Variants in CAST observed in about 807,000 individuals in gnomAD.
The protein encoded by CAST is calpastatin, also known as MIR583 host.
CAST carries 76 observed loss-of-function variants against 119.6 expected under a neutral mutation model. The ratio of observed to expected loss-of-function variants is 0.64; its 90% confidence interval spans 0.53 to 0.77. The LOEUF (loss-of-function observed/expected upper bound fraction) is 0.77, where lower values mean the gene tolerates loss of function less well. Ranked by LOEUF, CAST falls within the 30% of genes least tolerant of loss-of-function variation. The pLI, the probability that CAST is intolerant of heterozygous loss-of-function variation, is 0.00. For missense variants in CAST, 953 were observed against 946.5 expected, an observed-to-expected ratio of 1.01 and a Z score of -0.09; for synonymous variants, 319 against 331.6, an observed-to-expected ratio of 0.96 and a Z score of 0.41.
At chr5:96,478,005 G>A in the CAST span, among the ~76,000 whole-genome samples, 63 of 152,224 alleles carry the variant, frequency 4.1e-4, 1 homozygote, top group African/African-American at 1.4e-3. Context: ...GATTCACATG[G>A]CTAATTTAAG....
chr5:96,506,349 A>G, the CAST span, among the ~76,000 whole-genome samples: 1 of 152,272 alleles, frequency 6.6e-6, no homozygotes, highest in South Asian at 2.1e-4. Flanking sequence ...GGCACCAAGT[A>G]TCAGAGCAGC....
intron 1 of CAST, among the ~76,000 whole-genome samples, chr5:96,561,796 G>GTTTTTTTTTTGTTTTTTTTTTT (rs1554067789): frequency 2.1e-5 from 2 of 97,422 alleles, no homozygotes; most frequent in African/African-American, 7.7e-5. Context: ...GTTTTTTTTT[G>GTTTTTTTTTTGTTTTTTTTTTT]TTTTTTTTTT....
At chr5:96,169,703 G>A in the CAST span, among the ~76,000 whole-genome samples, 1 of 152,130 alleles carries the variant, frequency 6.6e-6, no homozygotes, top group Admixed American at 6.5e-5. Flanking sequence ...GGTCACCAAG[G>A]AGGGAATAGA....
the CAST span, chr5:96,408,288 C>G: frequency 6.2e-7 from 1 of 1,613,936 alleles, no homozygotes; most frequent in South Asian, 1.1e-5. Context: ...TGCCTGTGTG[C>G]GTCTCCGTGC....
the CAST span, among the ~76,000 whole-genome samples, chr5:95,990,322 T>C: frequency 1.2e-4 from 18 of 152,026 alleles, no homozygotes; most frequent in African/African-American, 4.3e-4. Context: ...TCCTTATCAA[T>C]AGGAGATATA....
chr5:96,536,584 A>C (rs1745819327), intron 1 of CAST, among the ~76,000 whole-genome samples: 1 of 152,350 alleles, frequency 6.6e-6, no homozygotes, highest in Admixed American at 6.5e-5. Flanking sequence ...AGTGGAAAAG[A>C]GTAAGGTACA....
chr5:96,632,973 G>GA, intron 1 of CAST, among the ~76,000 whole-genome samples: 2 of 151,994 alleles, frequency 1.3e-5, no homozygotes, highest in Non-Finnish European at 2.9e-5. Flanking sequence ...TTTTTGGTTT[G>GA]TTTTGTTCTG....
chr5:96,131,418 TACAC>T, the CAST span, among the ~76,000 whole-genome samples: 15 of 148,140 alleles, frequency 1.0e-4, no homozygotes, highest in East Asian at 3.9e-4. Flanking sequence ...CTTGTTATTA[TACAC>T]ACACACACAC....
chr5:96,140,573 G>A, the CAST span, among the ~76,000 whole-genome samples: 1 of 152,206 alleles, frequency 6.6e-6, no homozygotes, highest in Non-Finnish European at 1.5e-5. Flanking sequence ...TTCTGACTCT[G>A]CCACACACAG....
At chr5:95,968,532 T>A in the CAST span, among the ~76,000 whole-genome samples, 11,720 of 152,162 alleles carry the variant, frequency 0.077, 1,000 homozygotes, top group African/African-American at 0.21. Context: ...TTTGGTCAAA[T>A]ACACATCCCC....
the CAST span, among the ~76,000 whole-genome samples, chr5:96,322,826 TTTCCCCC>T: frequency 5.9e-5 from 9 of 152,182 alleles, no homozygotes; most frequent in Admixed American, 2.0e-4. Context: ...TGTAAAATGC[TTTCCCCC>T]AACTCCACTA....
chr5:96,381,793 G>A, the CAST span, among the ~76,000 whole-genome samples: 1 of 152,186 alleles, frequency 6.6e-6, no homozygotes, highest in African/African-American at 2.4e-5. Flanking sequence ...TAATACATCT[G>A]ACATATGGCT....
At chr5:96,375,508 A>C in the CAST span, among the ~76,000 whole-genome samples, 1 of 152,044 alleles carries the variant, frequency 6.6e-6, no homozygotes, top group African/African-American at 2.4e-5. Flanking sequence ...AAGAAAAATT[A>C]GAAATATAAA....
chr5:96,029,574 A>G, the CAST span, among the ~76,000 whole-genome samples: 2 of 152,134 alleles, frequency 1.3e-5, no homozygotes, highest in African/African-American at 4.8e-5. Flanking sequence ...CTATTTTCTG[A>G]CCAGTAGATA....
chr5:96,319,550 G>A, the CAST span, among the ~76,000 whole-genome samples: 1 of 152,158 alleles, frequency 6.6e-6, no homozygotes, highest in Non-Finnish European at 1.5e-5. Flanking sequence ...AATGAAATGT[G>A]AATAGTAAGA....
the CAST span, among the ~76,000 whole-genome samples, chr5:96,515,053 T>G: frequency 6.6e-6 from 1 of 152,180 alleles, no homozygotes; most frequent in Non-Finnish European, 1.5e-5. Flanking sequence ...GCACGGCCAG[T>G]GCTATTTCTT....
chr5:96,457,785 C>A, the CAST span, among the ~76,000 whole-genome samples: 2 of 152,356 alleles, frequency 1.3e-5, no homozygotes. Context: ...GAAGCCACCA[C>A]ACCTAACAAA....
the CAST span, among the ~76,000 whole-genome samples, chr5:96,403,619 T>G: frequency 6.6e-6 from 1 of 152,208 alleles, no homozygotes; most frequent in Non-Finnish European, 1.5e-5. Context: ...AAGATATGTT[T>G]ACAGAAAATA....
At chr5:96,504,277 G>A in the CAST span, among the ~76,000 whole-genome samples, 3 of 152,102 alleles carry the variant, frequency 2.0e-5, no homozygotes, top group Non-Finnish European at 4.4e-5. Context: ...GGCACATCCA[G>A]TTCAGCACAG....
Sources: gnomAD v4.1 joint callset for allele counts (sites outside exome capture counted in the v4.1 genomes callset) on GRCh38, gnomAD v4.1.1 for gene constraint, MANE v1.5 for transcripts, NCBI Gene and HGNC (gene_info 2026-07-23, HGNC 2026-07-21) for gene names.